The following CSMD1 variants were observed in gnomAD, a reference collection of about 807,000 sequenced individuals.
The protein encoded by CSMD1 is CUB and Sushi multiple domains 1.
Under a neutral mutation model 417.5 loss-of-function variants are expected in CSMD1, and 213 were observed. The ratio of observed to expected loss-of-function variants is 0.51; its 90% CI spans 0.46 to 0.57. The LOEUF is 0.57. CSMD1 is among the 20% of genes least tolerant of loss of function. The probability of loss-of-function intolerance (pLI) is 0.00; values close to 1 mark genes in which losing one functional copy is unlikely to be tolerated. For missense variants in CSMD1, 6,923 were observed against 4,529.7 expected (o/e 1.53, Z -15.17); for synonymous variants, 2,862 against 1,736.8 (o/e 1.65, Z -16.11).
At chr8:3,930,680 T>G (rs1810078488) in intron 5 of CSMD1, among the ~76,000 whole-genome samples, 1 of 150,344 alleles carries the variant, frequency 6.7e-6, no homozygotes, top group South Asian at 2.1e-4. Flanking sequence ...GCAAAACTGC[T>G]GGCAAGTGTA....
chr8:3,512,178 T>C, intron 10 of CSMD1, among the ~76,000 whole-genome samples: 1 of 152,214 alleles, frequency 6.6e-6, no homozygotes, highest in Non-Finnish European at 1.5e-5. Context: ...TTTCTTACTA[T>C]CCTGGCACAG....
chr8:3,027,036 G>A (rs940764065), intron 51 of CSMD1, among the ~76,000 whole-genome samples: 6 of 152,024 alleles, frequency 3.9e-5, no homozygotes, highest in African/African-American at 7.2e-5. Context: ...CACACACTAC[G>A]ACATCTAAGA....
intron 3 of CSMD1, among the ~76,000 whole-genome samples, chr8:4,051,854 C>T (rs1798442291): frequency 3.6e-5 from 1 of 28,072 alleles, no homozygotes; most frequent in South Asian, 2.4e-3. Flanking sequence ...CTTTTCTTTT[C>T]TCTTTCTTTC....
chr8:3,430,170 G>C (rs1814128168), intron 12 of CSMD1, among the ~76,000 whole-genome samples: 1 of 151,904 alleles, frequency 6.6e-6, no homozygotes, highest in East Asian at 1.9e-4. Context: ...ACTATACTGG[G>C]AATTCTAATA....
At chr8:4,352,572 G>A (rs541960195) in intron 3 of CSMD1, among the ~76,000 whole-genome samples, 8 of 152,322 alleles carry the variant, frequency 5.3e-5, no homozygotes, top group African/African-American at 1.9e-4. Flanking sequence ...CATTTTCCAT[G>A]TAACTTCATT....
intron 3 of CSMD1, among the ~76,000 whole-genome samples, chr8:4,118,785 A>G (rs1802308721): frequency 1.3e-5 from 2 of 152,246 alleles, no homozygotes; most frequent in African/African-American, 4.8e-5. Context: ...ATAAAGACAC[A>G]TGCACATGTA....
At chr8:4,244,989 A>G (rs1802618163) in intron 3 of CSMD1, among the ~76,000 whole-genome samples, 2 of 152,200 alleles carry the variant, frequency 1.3e-5, no homozygotes, top group African/African-American at 4.8e-5. Flanking sequence ...GTGGAAGTAA[A>G]TCGACAAACA....
intron 1 of CSMD1, among the ~76,000 whole-genome samples, chr8:4,886,818 T>C (rs1179664428): frequency 2.6e-5 from 4 of 152,082 alleles, no homozygotes; most frequent in African/African-American, 7.2e-5. Context: ...TTCTGTAAAA[T>C]TGTTAAATGA....
At chr8:4,693,895 A>G (rs978634080) in intron 1 of CSMD1, among the ~76,000 whole-genome samples, 2 of 152,350 alleles carry the variant, frequency 1.3e-5, no homozygotes, top group East Asian at 1.9e-4. Flanking sequence ...TAACACTAAT[A>G]TCACAGTTTG....
intron 1 of CSMD1, among the ~76,000 whole-genome samples, chr8:4,969,537 T>G (rs1387301791): frequency 6.6e-6 from 1 of 151,626 alleles, no homozygotes; most frequent in Non-Finnish European, 1.5e-5. Context: ...GGCCAGTGTC[T>G]AGGAAATAAT....
At chr8:3,351,815 C>G (rs1563300859) in intron 21 of CSMD1, among the ~76,000 whole-genome samples, 1 of 149,642 alleles carries the variant, frequency 6.7e-6, no homozygotes, top group African/African-American at 2.4e-5. Context: ...TGTGTACTCA[C>G]TATTTAATTT....
chr8:3,335,608 T>G (rs1386105490), intron 23 of CSMD1, among the ~76,000 whole-genome samples: 1 of 152,116 alleles, frequency 6.6e-6, no homozygotes, highest in Non-Finnish European at 1.5e-5. Flanking sequence ...ACCTGAGAGG[T>G]GGAAGTGCAA....
Position 4,364,897 on chromosome 8 carries a change from G to C in CSMD1, c.415+55056C>G, listed in dbSNP as rs1482486681. Among the ~76,000 whole-genome samples the C allele has an allele frequency of 2.1e-5, 3 of 140,920 alleles. 1 individual carries two copies. The highest frequency in any genetic ancestry group is 4.7e-5 in the Non-Finnish European group (3 of 63,678). 92.4% of individuals were successfully genotyped at this position (140,920 alleles called of 152,430 possible). On this transcript the variant is annotated intron_variant, in intron 3 of 69. Transcript: ENST00000635120. ...AGATAATCAATATAATACACTGCCT[G>C]TTACTAAAATCATAACCAAATATTG... is the stretch of plus-strand genomic sequence containing the variant.
intron 10 of CSMD1, among the ~76,000 whole-genome samples, chr8:3,563,017 G>A (rs771249049): frequency 6.6e-6 from 1 of 151,992 alleles, no homozygotes; most frequent in African/African-American, 2.4e-5. Flanking sequence ...CAAAGAGAAA[G>A]TAGAAGCATT....
At chr8:3,540,534 G>C (rs1176401371) in intron 10 of CSMD1, among the ~76,000 whole-genome samples, 1 of 152,142 alleles carries the variant, frequency 6.6e-6, no homozygotes, top group Non-Finnish European at 1.5e-5. Context: ...TGACAAATGG[G>C]ATCTAATTAA....
chr8:4,844,885 C>G (rs778160858), intron 1 of CSMD1, among the ~76,000 whole-genome samples: 5 of 151,998 alleles, frequency 3.3e-5, no homozygotes, highest in Non-Finnish European at 5.9e-5. Context: ...TTAACAGTAC[C>G]CCCACAGTAT....
chr8:3,425,985 C>G (rs948540910), intron 12 of CSMD1, among the ~76,000 whole-genome samples: 1 of 151,772 alleles, frequency 6.6e-6, no homozygotes, highest in Admixed American at 6.6e-5. Flanking sequence ...TCTCTGTGAA[C>G]AAAAAAGCTG....
At chr8:3,656,239 G>C (rs1265516923) in intron 7 of CSMD1, among the ~76,000 whole-genome samples, 1 of 152,082 alleles carries the variant, frequency 6.6e-6, no homozygotes, top group Non-Finnish European at 1.5e-5. Flanking sequence ...GAGGGACCCA[G>C]GTAAACAGGA....
chr8:4,910,256 A>G (rs1303054144), intron 1 of CSMD1, among the ~76,000 whole-genome samples: 2 of 151,978 alleles, frequency 1.3e-5, no homozygotes, highest in Non-Finnish European at 2.9e-5. Context: ...CTTCCATTGT[A>G]TTATCTCATC....
Sources: gnomAD v4.1 joint callset for allele counts (sites outside exome capture counted in the v4.1 genomes callset) on GRCh38, gnomAD v4.1.1 for gene constraint, MANE v1.5 for transcripts, NCBI Gene and HGNC (gene_info 2026-07-23, HGNC 2026-07-21) for gene names.